The following KCTD20 variants were observed in gnomAD, a reference collection of about 807,000 sequenced individuals.
KCTD20 encodes BTB/POZ domain-containing protein KCTD20.
KCTD20 carries 30 observed loss-of-function variants against 39.6 expected under a neutral mutation model. The ratio of observed to expected loss-of-function variants is 0.76; its 90% confidence interval spans 0.57 to 1.03. The LOEUF (loss-of-function observed/expected upper bound fraction) is 1.03. Ranked by LOEUF, KCTD20 falls within the 50% of genes least tolerant of loss-of-function variation. The pLI is 0.00. For missense variants in KCTD20, 422 were observed against 522.0 expected, an observed-to-expected ratio of 0.81 and a Z score of 1.87; for synonymous variants, 162 against 180.6, an observed-to-expected ratio of 0.90 and a Z score of 0.83.
intron 1 of KCTD20, among the ~76,000 whole-genome samples, chr6:36,461,224 A>G (rs961362775): frequency 1.3e-5 from 2 of 152,216 alleles, no homozygotes; most frequent in African/African-American, 4.8e-5. Flanking sequence ...AACTTTGCTA[A>G]GTTTGAAAAG....
In KCTD20 at chr6:36,487,224, C is replaced by T. The variant is rs762452096; in HGVS notation, c.*49C>T. On this transcript the variant is annotated 3_prime_UTR_variant, in exon 8 of 8. Transcript: ENST00000373731. ...GTTGGAGCCCATCTCACCTGGGATG[C>T]CTGCAGCCAGCCCTCCCTCGTGATT... The T allele has an allele frequency of 6.4e-7, 1 of 1,554,196 alleles. No individual in the cohort carries two copies. The highest frequency in any genetic ancestry group is 8.7e-7 in the Non-Finnish European group (1 of 1,145,922).
At chr6:36,461,596 A>G (rs7771028) in intron 1 of KCTD20, among the ~76,000 whole-genome samples, 31,561 of 152,104 alleles carry the variant, frequency 0.21, 3,414 homozygotes, top group East Asian at 0.39. Context: ...TAAGGTCTTA[A>G]TGTAAATCCA....
At chr6:36,451,012 T>G (rs923180341) in intron 1 of KCTD20, 4 of 152,238 alleles carry the variant, frequency 2.6e-5, no homozygotes, top group Non-Finnish European at 5.9e-5. Flanking sequence ...CTTGCCTGTT[T>G]CCAGCCTGGG....
intron 1 of KCTD20, among the ~76,000 whole-genome samples, chr6:36,464,304 ACAT>A (rs1775679827): frequency 6.6e-6 from 1 of 152,190 alleles, no homozygotes; most frequent in African/African-American, 2.4e-5. Flanking sequence ...TGAACTGAAA[ACAT>A]CAGTATAAAC....
rs1338853038 is a variant in KCTD20, at chr6:36,479,166, G to A, written c.480G>A (p.Glu160=). ...AGTACAACTTCACTCGGCCCAATGA[G>A]AAGGGAGAGTATGAGATTGCTGAAG... The part of the protein sequence containing the change: ...GREYNFTRPN[E]KGEYEIAEGI... Residue 160 remains glutamate, a synonymous_variant, in exon 4 of 8, where the codon GAG becomes GAA. Transcript: ENST00000373731. 1.9e-6 allele frequency: 3 copies of A among 1,613,970 alleles called. No homozygotes were observed. Among genetic ancestry groups the A allele is most frequent in the Non-Finnish European group, 2.5e-6 (3 of 1,179,950 alleles).
intron 1 of KCTD20, among the ~76,000 whole-genome samples, chr6:36,444,594 C>A (rs747569944): frequency 2.0e-5 from 3 of 152,124 alleles, no homozygotes; most frequent in Non-Finnish European, 2.9e-5. Flanking sequence ...ATTCCCATGG[C>A]CTTGACTGTC....
intron 5 of KCTD20, among the ~76,000 whole-genome samples, chr6:36,480,460 G>A (rs1470889450): frequency 1.8e-5 from 2 of 114,234 alleles, no homozygotes; most frequent in African/African-American, 6.8e-5. Context: ...TTGCTACTAT[G>A]TTGCTCAGGC....
intron 2 of KCTD20, among the ~76,000 whole-genome samples, chr6:36,471,436 A>G (rs542429786): frequency 6.6e-6 from 1 of 152,340 alleles, no homozygotes; most frequent in East Asian, 1.9e-4. Context: ...TTCCTGCTAC[A>G]GTAGTGGCAG....
chr6:36,455,703 G>C (rs1385660790), intron 1 of KCTD20, among the ~76,000 whole-genome samples: 2 of 152,108 alleles, frequency 1.3e-5, no homozygotes, highest in Non-Finnish European at 2.9e-5. Flanking sequence ...TCTGAAACCC[G>C]TAAGACAGGT....
At position 36,470,243 on chromosome 6, in the gene KCTD20, G is replaced by A; in HGVS notation, c.146G>A (p.Gly49Asp). 1 of 1,611,420 alleles carries A rather than the reference G, an allele frequency of 6.2e-7. No homozygotes were observed. The highest frequency in any genetic ancestry group is 8.5e-7 in the Non-Finnish European group (1 of 1,178,456). Residue 49 changes from glycine to aspartate, a missense_variant, in exon 2 of 8, where the codon GGT becomes GAT. Coordinates refer to ENST00000373731, the MANE Select transcript of KCTD20 (RefSeq NM_173562.5). Reference protein sequence around the residue: ...SGPHNLTYPLGPRNEDLSLDY... With the variant: ...SGPHNLTYPLDPRNEDLSLDY... ...CCTCATAATCTTACTTATCCTCTAG[G>A]TCCCAGGAATGAAGGTACAGTGATT...
At chr6:36,473,079 G>A (rs1029871930) in intron 2 of KCTD20, among the ~76,000 whole-genome samples, 9 of 136,762 alleles carry the variant, frequency 6.6e-5, no homozygotes, top group Admixed American at 1.5e-4. Context: ...TTTTTTTTTT[G>A]AGACAGAGTC....
chr6:36,452,335 T>A (rs1353962731), intron 1 of KCTD20, among the ~76,000 whole-genome samples: 1 of 152,202 alleles, frequency 6.6e-6, no homozygotes, highest in Admixed American at 6.5e-5. Flanking sequence ...AATTATCAAT[T>A]AAATTTCTTT....
At chr6:36,471,010 G>T (rs1004354334) in intron 2 of KCTD20, among the ~76,000 whole-genome samples, 21 of 152,110 alleles carry the variant, frequency 1.4e-4, no homozygotes, top group African/African-American at 4.6e-4. Context: ...AATTAGCCGG[G>T]CGTGGTGGCA....
intron 7 of KCTD20, 62 bp downstream of exon 7, chr6:36,484,886 C>A: frequency 1.0e-6 from 1 of 957,026 alleles, no homozygotes; most frequent in Middle Eastern, 2.2e-4. Context: ...CAGCTTACAT[C>A]CTCAAAATTT....
chr6:36,447,534 G>A (rs1337697960), intron 1 of KCTD20, among the ~76,000 whole-genome samples: 1 of 151,844 alleles, frequency 6.6e-6, no homozygotes, highest in Non-Finnish European at 1.5e-5. Context: ...GGAGGTTGAG[G>A]CATAAGCATT....
chr6:36,487,238 T>G lies in KCTD20; in HGVS notation c.*63T>G. The G allele has an allele frequency of 2.6e-6, 4 of 1,521,764 alleles. No individual in the cohort carries two copies. The South Asian group carries it at 3.8e-5, about 14-fold the overall frequency. 94.3% of individuals were successfully genotyped at this position (1,521,764 alleles called of 1,614,324 possible). A position where few individuals can be genotyped will look rare whatever the true frequency, so the allele number is the denominator to read the frequency against. ...CACCTGGGATGCCTGCAGCCAGCCC[T>G]CCCTCGTGATTTGTCTCACCTTGAG... On this transcript the variant is annotated 3_prime_UTR_variant, in exon 8 of 8. Coordinates refer to ENST00000373731, the MANE Select transcript of KCTD20 (RefSeq NM_173562.5).
Position 36,486,873 on chromosome 6 carries a change from TCCA to T in KCTD20, c.968-9_968-7del. ...TTGTTAGTCATGAGAATGGCCTTTT[TCCA>T]TTGCAGGTTACCCTACCTGTAAAGA... On this transcript the variant is annotated splice_polypyrimidine_tract_variant and splice_region_variant and intron_variant, in intron 7 of 7. Transcript: ENST00000373731. 6.2e-7 allele frequency: 1 copy of T among 1,607,070 alleles called. No homozygotes were observed. Among genetic ancestry groups the T allele is most frequent in the South Asian group, 1.1e-5 (1 of 90,438 alleles).
At chr6:36,482,012 A>G (rs779069067) in intron 6 of KCTD20, among the ~76,000 whole-genome samples, 5 of 152,186 alleles carry the variant, frequency 3.3e-5, no homozygotes, top group Non-Finnish European at 7.3e-5. Flanking sequence ...TGATGGTGTC[A>G]TTCTTCTCTT....
chr6:36,461,224 A>C (rs961362775), intron 1 of KCTD20, among the ~76,000 whole-genome samples: 1 of 152,216 alleles, frequency 6.6e-6, no homozygotes, highest in Non-Finnish European at 1.5e-5. Flanking sequence ...AACTTTGCTA[A>C]GTTTGAAAAG....
Sources: allele counts gnomAD v4.1 joint callset (sites outside exome capture counted in the v4.1 genomes callset), GRCh38; gene constraint gnomAD v4.1.1; transcripts MANE v1.5; gene names NCBI Gene and HGNC (gene_info 2026-07-23, HGNC 2026-07-21).